DOCK3: variants seen among roughly 807,000 people sequenced by gnomAD.
The protein encoded by DOCK3 is dedicator of cytokinesis protein 3.
A neutral mutation model predicts 265.6 loss-of-function variants in DOCK3; 60 were observed. The observed-to-expected ratio is 0.23, with a 90% CI of 0.18 to 0.28. The LOEUF (loss-of-function observed/expected upper bound fraction) is 0.28. DOCK3 is among the 10% of genes least tolerant of loss of function. The pLI is 1.00. For synonymous variants in DOCK3, 881 were observed against 938.0 expected, an observed-to-expected ratio of 0.94 and a Z score of 1.11; for missense variants, 1,981 against 2,594.3, an observed-to-expected ratio of 0.76 and a Z score of 5.14.
intron 2 of DOCK3, among the ~76,000 whole-genome samples, chr3:50,810,024 A>G (rs1392308633): frequency 6.6e-6 from 1 of 152,060 alleles, no homozygotes; most frequent in African/African-American, 2.4e-5. Flanking sequence ...AGTCTTAGCT[A>G]CTCAGGTGGG....
chr3:51,299,499 T>C (rs559932611), intron 27 of DOCK3, among the ~76,000 whole-genome samples: 32 of 152,330 alleles, frequency 2.1e-4, no homozygotes, highest in African/African-American at 7.2e-4. Flanking sequence ...CTGGTGCCTA[T>C]GTCCTGAATG....
intron 1 of DOCK3, among the ~76,000 whole-genome samples, chr3:50,757,945 G>T (rs897158173): frequency 1.2e-4 from 18 of 151,956 alleles, no homozygotes; most frequent in African/African-American, 4.1e-4. Flanking sequence ...GGAGGCTGAG[G>T]CGGGCAGATC....
intron 3 of DOCK3, among the ~76,000 whole-genome samples, chr3:50,862,147 T>TG (rs1324266815): frequency 6.6e-6 from 1 of 152,244 alleles, no homozygotes; most frequent in Non-Finnish European, 1.5e-5. Flanking sequence ...GTTGCTTGTC[T>TG]GGATGTGCAT....
intron 28 of DOCK3, among the ~76,000 whole-genome samples, chr3:51,310,913 C>T (rs945198178): frequency 1.3e-5 from 2 of 152,238 alleles, no homozygotes; most frequent in Non-Finnish European, 2.9e-5. Flanking sequence ...CCATTGCCTC[C>T]TCCCACTGAT....
chr3:51,032,119 C>CATGTGTGT (rs113336541), intron 5 of DOCK3, among the ~76,000 whole-genome samples: 25 of 149,098 alleles, frequency 1.7e-4, no homozygotes, highest in African/African-American at 4.7e-4. Context: ...CCTCCCTCCT[C>CATGTGTGT]GTGTGTGTGT....
At chr3:50,816,595 A>G (rs1222115591) in intron 2 of DOCK3, among the ~76,000 whole-genome samples, 1 of 152,088 alleles carries the variant, frequency 6.6e-6, no homozygotes, top group Non-Finnish European at 1.5e-5. Context: ...TGCTGGGATT[A>G]CAGGTGTGAG....
rs949717117 is a variant in DOCK3 at position 50,715,497 on chromosome 3, G to C, written c.37+40197G>C. 2.0e-5 allele frequency among the ~76,000 whole-genome samples: 3 copies of C among 152,186 alleles called. No homozygotes were observed. In the South Asian group the frequency reaches 6.2e-4, roughly 32 times the overall value. ...GCCTTGGAGGTTGAGGCTGCAGTGA[G>C]CCATGATCATGCCACTGCACTGCAG... On this transcript the variant is annotated intron_variant, in intron 1 of 52. Transcript: ENST00000266037.
intron 3 of DOCK3, among the ~76,000 whole-genome samples, chr3:50,851,149 A>C (rs555917014): frequency 6.6e-6 from 1 of 152,320 alleles, no homozygotes; most frequent in East Asian, 1.9e-4. Flanking sequence ...TTCTCTGCAC[A>C]TGAATGGTGG....
intron 36 of DOCK3, 21 bp from the exon 37 acceptor site, chr3:51,338,914 G>T (rs1156503080): frequency 7.6e-6 from 12 of 1,574,568 alleles, no homozygotes; most frequent in Non-Finnish European, 1.0e-5. Flanking sequence ...GTTGACAGGT[G>T]TTTCCTTCTC....
At chr3:51,278,487 G>A (rs2080936349) in intron 26 of DOCK3, 1 of 985,312 alleles carries the variant, frequency 1.0e-6, no homozygotes, top group Admixed American at 6.1e-5. Flanking sequence ...AGCAAGCCAA[G>A]CTACAGCGTG....
chr3:51,200,663 T>C (rs372703482), intron 12 of DOCK3, among the ~76,000 whole-genome samples: 9 of 151,464 alleles, frequency 5.9e-5, no homozygotes, highest in East Asian at 3.9e-4. Context: ...GTTCAGGAAA[T>C]AGACAGAGAA....
Position 50,695,393 on chromosome 3 carries a change from A to G in DOCK3, c.37+20093A>G, listed in dbSNP as rs2035546601. Reference sequence around the variant, plus strand: ...CTAAGTGCACAAGAAAAATGAAACAAAGAGGGTAGAATGCACAAATCCCTG... The same window carrying G: ...CTAAGTGCACAAGAAAAATGAAACAGAGAGGGTAGAATGCACAAATCCCTG... On this transcript the variant is annotated intron_variant, in intron 1 of 52. Transcript: ENST00000266037. Among the ~76,000 whole-genome samples the G allele has an allele frequency of 2.0e-5, 3 of 152,230 alleles. No homozygotes were observed. The South Asian group carries it at 6.2e-4, about 31-fold the overall frequency.
intron 22 of DOCK3, 59 bp from the exon 23 acceptor site, chr3:51,260,097 A>T: frequency 1.3e-6 from 2 of 1,542,942 alleles, no homozygotes; most frequent in Non-Finnish European, 1.8e-6. Context: ...GTTTCCTGCT[A>T]TGTGAGTTCC....
chr3:50,735,506 T>G (rs2038531801), intron 1 of DOCK3, among the ~76,000 whole-genome samples: 1 of 151,930 alleles, frequency 6.6e-6, no homozygotes, highest in Non-Finnish European at 1.5e-5. Context: ...GCCCTGCTAA[T>G]TTTGTATTTT....
intron 3 of DOCK3, among the ~76,000 whole-genome samples, chr3:50,847,068 G>C (rs1379856820): frequency 6.6e-6 from 1 of 151,954 alleles, no homozygotes; most frequent in Non-Finnish European, 1.5e-5. Flanking sequence ...TCCTTCAGGT[G>C]TAATTGCTAT....
At chr3:50,956,967 A>G (rs888125597) in intron 5 of DOCK3, among the ~76,000 whole-genome samples, 2 of 152,110 alleles carry the variant, frequency 1.3e-5, no homozygotes, top group Non-Finnish European at 2.9e-5. Flanking sequence ...GGTTCAAGCG[A>G]TTCTCATGCC....
intron 12 of DOCK3, among the ~76,000 whole-genome samples, chr3:51,192,971 G>A (rs1355108671): frequency 6.6e-6 from 1 of 152,128 alleles, no homozygotes; most frequent in Non-Finnish European, 1.5e-5. Context: ...GAATGGTGAA[G>A]GTGGATAACT....
chr3:51,034,481 T>G (rs1211549892), intron 5 of DOCK3, among the ~76,000 whole-genome samples: 2 of 152,134 alleles, frequency 1.3e-5, no homozygotes, highest in Non-Finnish European at 2.9e-5. Context: ...CCACTTCACA[T>G]GAAATGTAGA....
At chr3:50,883,034 G>A (rs947201091) in intron 3 of DOCK3, among the ~76,000 whole-genome samples, 5 of 152,044 alleles carry the variant, frequency 3.3e-5, no homozygotes, top group South Asian at 2.1e-4. Context: ...ACCAAACACT[G>A]CATGTTCTCA....
Sources: gnomAD v4.1 joint callset for allele counts (sites outside exome capture counted in the v4.1 genomes callset) on GRCh38, gnomAD v4.1.1 for gene constraint, MANE v1.5 for transcripts, NCBI Gene and HGNC (gene_info 2026-07-23, HGNC 2026-07-21) for gene names.